Variants in PLXNA4 observed in about 807,000 individuals in gnomAD.
PLXNA4 encodes plexin A4.
In PLXNA4, 44 loss-of-function variants were observed where a neutral mutation model predicts 191.8. The ratio of observed to expected loss-of-function variants is 0.23; its 90% CI spans 0.18 to 0.29. The LOEUF (loss-of-function observed/expected upper bound fraction) is 0.29. PLXNA4 is among the 10% of genes least tolerant of loss of function. The pLI is 1.00. For synonymous variants in PLXNA4, 1,082 were observed against 1,009.5 expected, an observed-to-expected ratio of 1.07 and a Z score of -1.36; for missense variants, 1,800 against 2,488.8, an observed-to-expected ratio of 0.72 and a Z score of 5.89.
intron 28 of PLXNA4, 55 bp downstream of exon 28, chr7:132,146,455 G>A: frequency 6.2e-7 from 1 of 1,614,024 alleles, no homozygotes; most frequent in East Asian, 2.2e-5. Flanking sequence ...GTGGGCTGAT[G>A]AAGTCCCTCT....
chr7:132,301,049 G>T lies in PLXNA4; in HGVS notation c.1372-2827C>A, dbSNP rs558953440. Among the ~76,000 whole-genome samples, 32 of 152,306 alleles carry T rather than the reference G, an allele frequency of 2.1e-4. No individual in the cohort carries two copies. In the East Asian group the frequency reaches 6.0e-3, roughly 28 times the overall value. ...GGATGAGGAAGCACCAACTGGACAAGGTTCCATAGGCCTGGCCTTCTGCAA... is the reference window on the plus strand; with the variant it reads ...GGATGAGGAAGCACCAACTGGACAATGTTCCATAGGCCTGGCCTTCTGCAA... On this transcript the variant is annotated intron_variant, in intron 3 of 31. Transcript: ENST00000321063.
chr7:132,131,848 C>G (rs892908552), intron 31 of PLXNA4, among the ~76,000 whole-genome samples: 2 of 152,202 alleles, frequency 1.3e-5, no homozygotes, highest in Non-Finnish European at 2.9e-5. Context: ...CCTAAGGGAC[C>G]CAGCACTGGC....
chr7:132,261,883 C>G (rs1010048904), intron 4 of PLXNA4, among the ~76,000 whole-genome samples: 1 of 152,120 alleles, frequency 6.6e-6, no homozygotes, highest in Non-Finnish European at 1.5e-5. Flanking sequence ...TCTGTGAGCA[C>G]CTACACACAC....
intron 2 of PLXNA4, among the ~76,000 whole-genome samples, chr7:132,590,014 A>G (rs776509323): frequency 2.6e-5 from 4 of 152,268 alleles, no homozygotes; most frequent in Non-Finnish European, 4.4e-5. Context: ...CCAAAGAACC[A>G]TGAAAGGGTC....
intron 2 of PLXNA4, among the ~76,000 whole-genome samples, chr7:132,588,728 A>G (rs1802551392): frequency 6.6e-6 from 1 of 150,526 alleles, no homozygotes; most frequent in African/African-American, 2.5e-5. Context: ...AAGGAAAAGA[A>G]AAAAAGAAAA....
intron 1 of PLXNA4, among the ~76,000 whole-genome samples, chr7:132,527,340 C>T (rs1317073276): frequency 6.6e-6 from 1 of 152,036 alleles, no homozygotes; most frequent in African/African-American, 2.4e-5. Context: ...TTGCCATCCA[C>T]CTCTCAGGAG....
rs1484049551 is a variant in PLXNA4 at position 132,477,091 on chromosome 7, A to G, written c.1371+12201T>C. Among the ~76,000 whole-genome samples the G allele has an allele frequency of 2.6e-5, 4 of 152,340 alleles. No individual in the cohort carries two copies. In the East Asian group the frequency reaches 7.7e-4, roughly 29 times the overall value. ...TCCAATACTAAGCAAAGAAGAGATCACAAGCTCTTTAAGTCAAGAAGTGCC... is the reference window on the plus strand; with the variant it reads ...TCCAATACTAAGCAAAGAAGAGATCGCAAGCTCTTTAAGTCAAGAAGTGCC... On this transcript the variant is annotated intron_variant, in intron 3 of 31. Transcript: ENST00000321063.
In PLXNA4 at chr7:132,223,647, C is replaced by A. The variant is rs771805503; in HGVS notation, c.1983-6G>T. 1.2e-6 allele frequency: 2 copies of A among 1,611,008 alleles called. No homozygotes were observed. Among genetic ancestry groups the A allele is most frequent in the Non-Finnish European group, 1.7e-6 (2 of 1,178,288 alleles). Reference sequence around the variant, plus strand: ...TCTCCACGCAGGACAGGCACCTGGGCACAGGGGAAGGGAGGCACAAATCTA... The same window carrying A: ...TCTCCACGCAGGACAGGCACCTGGGAACAGGGGAAGGGAGGCACAAATCTA... On this transcript the variant is annotated splice_region_variant and splice_polypyrimidine_tract_variant and intron_variant, in intron 8 of 31. Transcript: ENST00000321063.
intron 9 of PLXNA4, among the ~76,000 whole-genome samples, chr7:132,218,134 C>A (rs2116932725): frequency 6.6e-6 from 1 of 152,242 alleles, no homozygotes; most frequent in Non-Finnish European, 1.5e-5. Flanking sequence ...AGCGGCAGCC[C>A]ATGAGCTAGG....
At chr7:132,406,040 A>G (rs1197484807) in intron 3 of PLXNA4, among the ~76,000 whole-genome samples, 3 of 152,212 alleles carry the variant, frequency 2.0e-5, no homozygotes, top group South Asian at 2.1e-4. Flanking sequence ...CAATGACTCA[A>G]TGTGGCCTCA....
At chr7:132,614,396 T>C (rs950483372) in intron 2 of PLXNA4, among the ~76,000 whole-genome samples, 3 of 152,188 alleles carry the variant, frequency 2.0e-5, no homozygotes, top group African/African-American at 7.2e-5. Context: ...TCTAGTGCCA[T>C]AGCGGGAGTG....
At chr7:132,595,670 T>C (rs1220776304) in intron 2 of PLXNA4, among the ~76,000 whole-genome samples, 1 of 152,200 alleles carries the variant, frequency 6.6e-6, no homozygotes, top group Admixed American at 6.5e-5. Context: ...AGTCAGTACA[T>C]TGGTGACCCA....
At position 132,423,047 on chromosome 7, in the gene PLXNA4, G is replaced by A. The variant is rs543560874; in HGVS notation, c.1371+66245C>T. ...TAAGAACATTCATCATCCCTGCCCC[G>A]CTAGCCCCTTGGGGTGGCATGGAAT... On this transcript the variant is annotated intron_variant, in intron 3 of 31. Coordinates refer to ENST00000321063, the MANE Select transcript of PLXNA4 (RefSeq NM_020911.2). Among the ~76,000 whole-genome samples, 7 of 152,242 alleles carry A rather than the reference G, an allele frequency of 4.6e-5. No individual in the cohort carries two copies. The South Asian group carries it at 6.2e-4, about 14-fold the overall frequency.
At chr7:132,398,205 A>G (rs1016511985) in intron 3 of PLXNA4, among the ~76,000 whole-genome samples, 1 of 152,218 alleles carries the variant, frequency 6.6e-6, no homozygotes, top group Admixed American at 6.5e-5. Context: ...TTCTTGCTTC[A>G]TGGAATGAGA....
intron 12 of PLXNA4, among the ~76,000 whole-genome samples, chr7:132,200,154 C>T (rs1047791378): frequency 6.6e-6 from 1 of 152,168 alleles, no homozygotes; most frequent in African/African-American, 2.4e-5. Flanking sequence ...TCCCCTAGGG[C>T]CAACACCAGT....
intron 5 of PLXNA4, among the ~76,000 whole-genome samples, chr7:132,228,764 C>G (rs1798422576): frequency 6.6e-6 from 1 of 152,244 alleles, no homozygotes; most frequent in Non-Finnish European, 1.5e-5. Flanking sequence ...TATTCACCCT[C>G]TCTGCACATC....
At chr7:132,342,665 G>A (rs1303187840) in intron 3 of PLXNA4, among the ~76,000 whole-genome samples, 1 of 152,102 alleles carries the variant, frequency 6.6e-6, no homozygotes, top group Non-Finnish European at 1.5e-5. Context: ...ATTTACACGA[G>A]GCCAGGCATG....
chr7:132,293,241 T>C (rs1434776587), intron 4 of PLXNA4, among the ~76,000 whole-genome samples: 1 of 152,132 alleles, frequency 6.6e-6, no homozygotes, highest in African/African-American at 2.4e-5. Context: ...TTGTATTAGC[T>C]TGTTTTCATG....
rs117431950 is a variant in PLXNA4, at chr7:132,348,725, C to T, written c.1372-50503G>A. Among the ~76,000 whole-genome samples, 266 of 152,266 alleles carry T rather than the reference C, an allele frequency of 1.7e-3. 4 individuals are homozygous for T. In the East Asian group the frequency reaches 0.031, roughly 18 times the overall value. ...TGGGGGCAACCCCAGTCCCTGGGGC[C>T]AGGGGACATCTGGACACTAATTGGT... On this transcript the variant is annotated intron_variant, in intron 3 of 31. Coordinates refer to ENST00000321063, the MANE Select transcript of PLXNA4 (RefSeq NM_020911.2).
Sources: allele counts gnomAD v4.1 joint callset (sites outside exome capture counted in the v4.1 genomes callset), GRCh38; gene constraint gnomAD v4.1.1; transcripts MANE v1.5; gene names NCBI Gene and HGNC (gene_info 2026-07-23, HGNC 2026-07-21).